The following ATP6V0E1 variants were observed in gnomAD, a reference collection of about 807,000 sequenced individuals.
The protein encoded by ATP6V0E1 is V-type proton ATPase subunit e 1.
In ATP6V0E1, 4 loss-of-function variants were observed where a neutral mutation model predicts 11.6. The ratio of observed to expected loss-of-function variants is 0.35; its 90% CI spans 0.17 to 0.79. The LOEUF (loss-of-function observed/expected upper bound fraction) is 0.79, where lower values mean the gene tolerates loss of function less well. Among genes scored for constraint, ATP6V0E1 ranks in the 30% least tolerant of loss-of-function variants. The pLI is 0.54. For missense variants in ATP6V0E1, 105 were observed against 100.0 expected (o/e 1.05, Z -0.21); for synonymous variants, 36 against 34.8 (o/e 1.04, Z -0.13).
At chr5:173,012,428 C>T (rs543976846) in intron 2 of ATP6V0E1, among the ~76,000 whole-genome samples, 115 of 151,932 alleles carry the variant, frequency 7.6e-4, no homozygotes, top group African/African-American at 2.7e-3. Flanking sequence ...TTTCTGTCAC[C>T]ATATACAAAA....
At chr5:173,030,861 G>A (rs79351952) in intron 3 of ATP6V0E1, among the ~76,000 whole-genome samples, 2,152 of 152,178 alleles carry the variant, frequency 0.014, 95 homozygotes, top group East Asian at 0.13. Context: ...TGATTCTCCT[G>A]CCTCAGCCTC....
intron 2 of ATP6V0E1, among the ~76,000 whole-genome samples, chr5:173,004,720 C>T (rs1018621063): frequency 7.2e-5 from 11 of 152,204 alleles, no homozygotes; most frequent in Admixed American, 2.6e-4. Flanking sequence ...CGTTATTAGG[C>T]GAGAACTGGG....
intron 3 of ATP6V0E1, among the ~76,000 whole-genome samples, chr5:173,031,332 C>T (rs1357048586): frequency 6.6e-6 from 1 of 151,798 alleles, no homozygotes; most frequent in Non-Finnish European, 1.5e-5. Flanking sequence ...GATCCACCCA[C>T]CATGGCCTCC....
chr5:172,999,989 A>AT (rs1220469621), intron 2 of ATP6V0E1, among the ~76,000 whole-genome samples: 3 of 152,198 alleles, frequency 2.0e-5, no homozygotes, highest in African/African-American at 4.8e-5. Flanking sequence ...GTGAGATTCT[A>AT]TTAAAAAAAT....
rs542684158 is a variant in ATP6V0E1 at position 173,013,961 on chromosome 5, C to G, written c.153-6277C>G. On this transcript the variant is annotated intron_variant, in intron 2 of 3. Coordinates refer to ENST00000519374, the MANE Select transcript of ATP6V0E1 (RefSeq NM_003945.4). ...CTGAGATTAGGAGTTTGAGACCAGC[C>G]TGGCCAACCATGTTCAACATGGTGG... Among the ~76,000 whole-genome samples, 4 of 152,174 alleles carry G rather than the reference C, an allele frequency of 2.6e-5. No individual in the cohort carries two copies. In the East Asian group the frequency reaches 5.8e-4, roughly 22 times the overall value.
intron 2 of ATP6V0E1, among the ~76,000 whole-genome samples, chr5:172,998,099 T>C (rs1211389407): frequency 2.7e-5 from 4 of 150,268 alleles, no homozygotes; most frequent in Non-Finnish European, 5.9e-5. Flanking sequence ...GTCCAAGTGA[T>C]ACCCTGTCTC....
intron 2 of ATP6V0E1, among the ~76,000 whole-genome samples, chr5:173,013,059 A>G (rs1459500922): frequency 6.6e-6 from 1 of 152,136 alleles, no homozygotes; most frequent in Non-Finnish European, 1.5e-5. Context: ...TTGTGGTCCA[A>G]GCTACTCAGG....
chr5:173,002,563 C>T (rs1318851591), intron 2 of ATP6V0E1, among the ~76,000 whole-genome samples: 1 of 152,138 alleles, frequency 6.6e-6, no homozygotes, highest in African/African-American at 2.4e-5. Flanking sequence ...ATTTTTTGAC[C>T]AGTCTCCTTC....
chr5:173,017,061 G>C (rs1333411529), intron 2 of ATP6V0E1, among the ~76,000 whole-genome samples: 1 of 152,150 alleles, frequency 6.6e-6, no homozygotes, highest in African/African-American at 2.4e-5. Context: ...TTGGTGATCA[G>C]AATCAGCCTT....
intron 1 of ATP6V0E1, among the ~76,000 whole-genome samples, chr5:172,990,938 C>T (rs1330538942): frequency 6.6e-6 from 1 of 151,396 alleles, no homozygotes; most frequent in Non-Finnish European, 1.5e-5. Flanking sequence ...GCTTGAGCCA[C>T]CATACCTGTT....
At chr5:172,992,008 G>GTCTGTCTGTCTT (rs1554118328) in intron 1 of ATP6V0E1, among the ~76,000 whole-genome samples, 1 of 147,986 alleles carries the variant, frequency 6.8e-6, no homozygotes, top group African/African-American at 2.6e-5. Flanking sequence ...TCTTCTTTCT[G>GTCTGTCTGTCTT]TCTGTCTTTC....
At chr5:173,018,484 G>A (rs958945364) in intron 2 of ATP6V0E1, among the ~76,000 whole-genome samples, 1 of 152,086 alleles carries the variant, frequency 6.6e-6, no homozygotes, top group Non-Finnish European at 1.5e-5. Flanking sequence ...CATCCAAGTC[G>A]ACCTGCATGG....
rs575264843 is a variant in ATP6V0E1 at position 172,996,393 on chromosome 5, A to G, written c.152+1571A>G. Among the ~76,000 whole-genome samples the G allele has an allele frequency of 6.6e-5, 10 of 152,042 alleles. No individual in the cohort carries two copies. The East Asian group carries it at 1.9e-3, about 29-fold the overall frequency. ...GCCAACATGGTGAAACCCATTCTCT[A>G]TTAAAAATACAAAAAAAAATTAGCT... On this transcript the variant is annotated intron_variant, in intron 2 of 3. Coordinates refer to ENST00000519374, the MANE Select transcript of ATP6V0E1 (RefSeq NM_003945.4).
chr5:173,031,336 G>A (rs1297262126), intron 3 of ATP6V0E1, among the ~76,000 whole-genome samples: 1 of 151,354 alleles, frequency 6.6e-6, no homozygotes, highest in African/African-American at 2.4e-5. Flanking sequence ...CACCCACCAT[G>A]GCCTCCCAAA....
intron 2 of ATP6V0E1, among the ~76,000 whole-genome samples, chr5:173,011,637 T>C (rs1288116562): frequency 2.0e-5 from 3 of 152,094 alleles, no homozygotes; most frequent in Non-Finnish European, 4.4e-5. Flanking sequence ...ATGCAGAACT[T>C]AGACTTGATC....
intron 3 of ATP6V0E1, among the ~76,000 whole-genome samples, chr5:173,024,213 A>G (rs528363413): frequency 7.6e-4 from 115 of 151,630 alleles, no homozygotes; most frequent in East Asian, 1.4e-3. Context: ...AAAAAAAAAA[A>G]AAAGAAAGAA....
chr5:173,025,575 A>C (rs1406457259), intron 3 of ATP6V0E1, among the ~76,000 whole-genome samples: 1 of 136,696 alleles, frequency 7.3e-6, no homozygotes, highest in East Asian at 2.1e-4. Context: ...CATCACCACA[A>C]CCTCTGCCTC....
intron 3 of ATP6V0E1, among the ~76,000 whole-genome samples, chr5:173,025,576 C>A (rs1023429125): frequency 2.3e-5 from 3 of 129,100 alleles, no homozygotes; most frequent in Non-Finnish European, 4.7e-5. Context: ...ATCACCACAA[C>A]CTCTGCCTCC....
rs548186172 is a variant in ATP6V0E1 at position 173,007,265 on chromosome 5, G to A, written c.152+12443G>A. Among the ~76,000 whole-genome samples, 167 of 152,172 alleles carry A rather than the reference G, an allele frequency of 1.1e-3. 3 individuals carry two copies. The South Asian group carries it at 0.033, about 30-fold the overall frequency. ...GCTGGGATTACAAGCATGAGCCACC[G>A]CAGCTGGTCATGTTTATGACTTCTA... is the stretch of plus-strand genomic sequence containing the variant. On this transcript the variant is annotated intron_variant, in intron 2 of 3. Transcript: ENST00000519374.
Sources: gnomAD v4.1 joint callset for allele counts (sites outside exome capture counted in the v4.1 genomes callset) on GRCh38, gnomAD v4.1.1 for gene constraint, MANE v1.5 for transcripts, NCBI Gene and HGNC (gene_info 2026-07-23, HGNC 2026-07-21) for gene names.